Variants in ZFAT observed in about 807,000 individuals in gnomAD.
The protein encoded by ZFAT is zinc finger protein ZFAT.
In ZFAT, 64 loss-of-function variants were observed where a neutral mutation model predicts 117.7. The ratio of observed to expected loss-of-function variants is 0.54; its 90% CI spans 0.44 to 0.67. The LOEUF is 0.67. ZFAT is among the 30% of genes least tolerant of loss of function. The pLI, the probability that ZFAT is intolerant of heterozygous loss-of-function variation, is 0.00. For missense variants in ZFAT, 1,433 were observed against 1,584.5 expected, an observed-to-expected ratio of 0.90 and a Z score of 1.62; for synonymous variants, 679 against 615.0, an observed-to-expected ratio of 1.10 and a Z score of -1.54.
At chr8:134,635,156 T>C (rs187062616) in intron 3 of ZFAT, among the ~76,000 whole-genome samples, 105 of 152,226 alleles carry the variant, frequency 6.9e-4, no homozygotes, top group Non-Finnish European at 8.8e-5. Context: ...GGCCCAGGGA[T>C]TGGGGACCCC....
At chr8:134,645,318 G>A (rs1442869090) in intron 2 of ZFAT, among the ~76,000 whole-genome samples, 1 of 152,148 alleles carries the variant, frequency 6.6e-6, no homozygotes, top group African/African-American at 2.4e-5. Context: ...GAGAAACTAA[G>A]CCTCTACAAG....
At position 134,531,441 on chromosome 8, in the gene ZFAT, A is replaced by T. The variant is rs1586653755; in HGVS notation, c.3115+1393T>A. 2.6e-5 allele frequency among the ~76,000 whole-genome samples: 4 copies of T among 152,316 alleles called. 1 individual carries two copies. The South Asian group carries it at 8.3e-4, about 32-fold the overall frequency. On this transcript the variant is annotated intron_variant, in intron 12 of 15. Coordinates refer to ENST00000377838, the MANE Select transcript of ZFAT (RefSeq NM_020863.4). ...TAAAAAATAATGCGATGGCTCCACA[A>T]TTCCTAGATGTTCCGAAAAAAATAT...
the ZFAT span, among the ~76,000 whole-genome samples, chr8:134,787,319 C>A: frequency 6.6e-6 from 1 of 152,204 alleles, no homozygotes; most frequent in Non-Finnish European, 1.5e-5. Flanking sequence ...CGCATTTAAA[C>A]CATATTCCAC....
the ZFAT span, among the ~76,000 whole-genome samples, chr8:134,718,134 T>C: frequency 3.3e-5 from 5 of 152,222 alleles, no homozygotes; most frequent in African/African-American, 1.2e-4. Flanking sequence ...ACAAGATAAT[T>C]TGACTGTGTA....
upstream of ZFAT, among the ~76,000 whole-genome samples, chr8:134,716,692 T>C (rs1814214282): frequency 6.6e-6 from 1 of 152,208 alleles, no homozygotes; most frequent in African/African-American, 2.4e-5. Flanking sequence ...TCACAACAAC[T>C]GTAGATCTAT....
At chr8:134,713,053 A>C (rs994763350), upstream of ZFAT, 1 of 610,482 alleles carries the variant, frequency 1.6e-6, no homozygotes, top group African/African-American at 1.9e-5. Context: ...CCTCCTCCCC[A>C]CGGGGCGCAG....
At chr8:134,807,529 A>T in the ZFAT span, among the ~76,000 whole-genome samples, 1 of 152,192 alleles carries the variant, frequency 6.6e-6, no homozygotes, top group Non-Finnish European at 1.5e-5. Flanking sequence ...AGTGATGTCT[A>T]GGAAGGCTGT....
At chr8:134,801,951 G>GT in the ZFAT span, among the ~76,000 whole-genome samples, 1 of 152,172 alleles carries the variant, frequency 6.6e-6, no homozygotes, top group East Asian at 1.9e-4. Context: ...ACATTCTTAT[G>GT]TTCCACCCCA....
chr8:134,681,118 C>A (rs1322400317), intron 1 of ZFAT, among the ~76,000 whole-genome samples: 1 of 152,224 alleles, frequency 6.6e-6, no homozygotes, highest in Non-Finnish European at 1.5e-5. Flanking sequence ...TAGAAGGAGG[C>A]AGCTCCCAGA....
intron 7 of ZFAT, chr8:134,598,516 C>T (rs1827137092): frequency 6.6e-6 from 1 of 152,254 alleles, no homozygotes; most frequent in South Asian, 2.1e-4. Context: ...ATTCCTGACA[C>T]TCCCCCACTG....
intron 15 of ZFAT, among the ~76,000 whole-genome samples, chr8:134,496,951 C>T (rs1011547328): frequency 8.5e-5 from 13 of 152,380 alleles, no homozygotes; most frequent in Non-Finnish European, 1.8e-4. Context: ...CTGATGTGTC[C>T]TAACGGGCAG....
In ZFAT at chr8:134,551,436, A is replaced by G. The variant is rs572774884; in HGVS notation, c.2976+13897T>C. On this transcript the variant is annotated intron_variant, in intron 11 of 15. Coordinates refer to ENST00000377838, the MANE Select transcript of ZFAT (RefSeq NM_020863.4). ...AGAAACCAGTCCACCCGTCTTATTC[A>G]TTCTAATGCTAGATATTTAAACATT... Among the ~76,000 whole-genome samples, 7 of 152,350 alleles carry G rather than the reference A, an allele frequency of 4.6e-5. No homozygotes were observed. The South Asian group carries it at 1.5e-3, about 32-fold the overall frequency.
At chr8:134,635,222 A>G (rs940540147) in intron 3 of ZFAT, among the ~76,000 whole-genome samples, 2 of 152,210 alleles carry the variant, frequency 1.3e-5, no homozygotes, top group African/African-American at 4.8e-5. Context: ...CCACAGACCC[A>G]GCTGAACTTC....
At chr8:134,624,180 GCACACA>G (rs57195425) in intron 3 of ZFAT, among the ~76,000 whole-genome samples, 15,254 of 146,172 alleles carry the variant, frequency 0.1, 997 homozygotes, top group East Asian at 0.35. Flanking sequence ...ATGTGCACAT[GCACACA>G]CACACACACA....
intron 15 of ZFAT, among the ~76,000 whole-genome samples, chr8:134,484,094 G>A (rs1006893227): frequency 6.6e-6 from 1 of 152,086 alleles, no homozygotes; most frequent in Admixed American, 6.5e-5. Flanking sequence ...AGTTCCTCTA[G>A]CTCAGGACAC....
chr8:134,789,140 A>T, the ZFAT span, among the ~76,000 whole-genome samples: 1 of 152,122 alleles, frequency 6.6e-6, no homozygotes, highest in African/African-American at 2.4e-5. Flanking sequence ...TTTTGTCTCC[A>T]TTAAATTGTT....
chr8:134,519,552 TCTG>T (rs1554637079), intron 13 of ZFAT, among the ~76,000 whole-genome samples: 2 of 152,386 alleles, frequency 1.3e-5, no homozygotes, highest in South Asian at 2.1e-4. Context: ...GATATTTTAA[TCTG>T]CTGCTTTTTG....
chr8:134,664,123 G>A (rs1832081253), intron 1 of ZFAT, among the ~76,000 whole-genome samples: 1 of 152,070 alleles, frequency 6.6e-6, no homozygotes, highest in South Asian at 2.1e-4. Flanking sequence ...CATCAGGCAT[G>A]GGCTCTACCC....
intron 7 of ZFAT, among the ~76,000 whole-genome samples, chr8:134,595,162 A>AT (rs1284699848): frequency 1.3e-5 from 2 of 152,238 alleles, no homozygotes; most frequent in Non-Finnish European, 2.9e-5. Context: ...CACCCAGCAC[A>AT]TTCATGCACA....
Sources: gnomAD v4.1 joint callset for allele counts (sites outside exome capture counted in the v4.1 genomes callset) on GRCh38, gnomAD v4.1.1 for gene constraint, MANE v1.5 for transcripts, NCBI Gene and HGNC (gene_info 2026-07-23, HGNC 2026-07-21) for gene names.